LRRC7: variants seen among roughly 807,000 people sequenced by gnomAD.
The protein encoded by LRRC7 is leucine rich repeat containing 7.
LRRC7 carries 23 observed loss-of-function variants against 175.7 expected under a neutral mutation model. The ratio of observed to expected loss-of-function variants is 0.13; its 90% CI spans 0.09 to 0.19. LRRC7 has a LOEUF of 0.19. Among genes scored for constraint, LRRC7 ranks in the 10% least tolerant of loss-of-function variants. The pLI is 1.00. For missense variants in LRRC7, 1,354 were observed against 1,904.7 expected (o/e 0.71, Z 5.38); for synonymous variants, 685 against 680.9 (o/e 1.01, Z -0.09).
At chr1:69,602,198 C>A (rs1292467171) in intron 1 of LRRC7, among the ~76,000 whole-genome samples, 2 of 152,156 alleles carry the variant, frequency 1.3e-5, no homozygotes, top group African/African-American at 4.8e-5. Flanking sequence ...TATACATTTT[C>A]CAGAATCTTT....
intron 4 of LRRC7, among the ~76,000 whole-genome samples, chr1:69,797,254 G>A (rs1675900283): frequency 6.6e-6 from 1 of 152,252 alleles, no homozygotes; most frequent in East Asian, 1.9e-4. Flanking sequence ...ACTAAAGTCA[G>A]CTCTAAAGTG....
chr1:69,605,448 A>G (rs1490800144), intron 1 of LRRC7, among the ~76,000 whole-genome samples: 2 of 152,206 alleles, frequency 1.3e-5, no homozygotes, highest in South Asian at 2.1e-4. Context: ...TATTAAATAC[A>G]TAAAATGCAT....
chr1:69,908,958 A>G (rs1195733921), intron 7 of LRRC7, among the ~76,000 whole-genome samples: 2 of 151,962 alleles, frequency 1.3e-5, no homozygotes, highest in Non-Finnish European at 2.9e-5. Context: ...GTGCTCCTGT[A>G]TCGGGTGCAT....
chr1:69,951,095 CAA>C (rs111949472), intron 8 of LRRC7, among the ~76,000 whole-genome samples: 2 of 128,894 alleles, frequency 1.6e-5, no homozygotes, highest in African/African-American at 5.6e-5. Context: ...AACAAATTTA[CAA>C]AAAAAAAAAC....
chr1:70,104,090 C>T (rs1392961332), intron 25 of LRRC7, among the ~76,000 whole-genome samples: 10 of 152,148 alleles, frequency 6.6e-5, no homozygotes, highest in Admixed American at 6.5e-4. Context: ...ATTTGATACA[C>T]ACAAGTTGGC....
At chr1:70,079,069 T>C (rs1257409550) in intron 24 of LRRC7, among the ~76,000 whole-genome samples, 1 of 152,230 alleles carries the variant, frequency 6.6e-6, no homozygotes, top group Non-Finnish European at 1.5e-5. Flanking sequence ...CTTTCCTAAG[T>C]TATATTTCTT....
intron 18 of LRRC7, among the ~76,000 whole-genome samples, chr1:70,035,028 T>C (rs955181651): frequency 4.6e-5 from 7 of 152,200 alleles, no homozygotes; most frequent in African/African-American, 1.7e-4. Context: ...AAGACAGGAC[T>C]TTTTAAATTT....
intron 4 of LRRC7, among the ~76,000 whole-genome samples, chr1:69,819,802 C>A (rs1000524814): frequency 6.6e-6 from 1 of 152,058 alleles, no homozygotes; most frequent in Non-Finnish European, 1.5e-5. Flanking sequence ...TATAATTACC[C>A]TCTTTGTCAC....
intron 26 of LRRC7, among the ~76,000 whole-genome samples, chr1:70,115,643 A>G (rs1297769464): frequency 1.3e-5 from 2 of 152,224 alleles, no homozygotes; most frequent in Non-Finnish European, 2.9e-5. Flanking sequence ...AATGTAAACA[A>G]TGTTATATGA....
At chr1:69,671,064 T>C (rs1322498111) in intron 1 of LRRC7, among the ~76,000 whole-genome samples, 1 of 152,124 alleles carries the variant, frequency 6.6e-6, no homozygotes, top group Non-Finnish European at 1.5e-5. Context: ...TTCCCTTCAC[T>C]TTTCTCAAGC....
rs57854067 is a variant in LRRC7 at position 69,767,992 on chromosome 1, C to T, written c.303+7599C>T. Among the ~76,000 whole-genome samples, 665 of 152,170 alleles carry T rather than the reference C, an allele frequency of 4.4e-3. 3 individuals carry two copies. Among genetic ancestry groups the T allele is most frequent in the African/African-American group, 0.014 (577 of 41,522 alleles). On this transcript the variant is annotated intron_variant, in intron 3 of 26. Coordinates refer to ENST00000651989, the MANE Select transcript of LRRC7 (RefSeq NM_001370785.2). ...CATCCAGGTGAGGGCTGCAGGAAGA[C>T]AGCTGTATGGTGCTCACTACTCCAC... is the stretch of plus-strand genomic sequence containing the variant.
At chr1:69,640,270 A>G (rs1654003037) in intron 1 of LRRC7, among the ~76,000 whole-genome samples, 1 of 151,808 alleles carries the variant, frequency 6.6e-6, no homozygotes, top group Non-Finnish European at 1.5e-5. Context: ...TTATAATGGT[A>G]GAAATTGAAA....
At chr1:70,078,204 C>T (rs1278312804) in intron 24 of LRRC7, among the ~76,000 whole-genome samples, 1 of 152,134 alleles carries the variant, frequency 6.6e-6, no homozygotes, top group African/African-American at 2.4e-5. Flanking sequence ...ATACAAATAT[C>T]ATTATGTATC....
intron 4 of LRRC7, among the ~76,000 whole-genome samples, chr1:69,811,086 A>T (rs980182318): frequency 6.6e-6 from 1 of 152,216 alleles, no homozygotes; most frequent in African/African-American, 2.4e-5. Context: ...AGAAAAAAAC[A>T]ACCCCATCAA....
intron 2 of LRRC7, among the ~76,000 whole-genome samples, chr1:69,743,761 A>T (rs1393761866): frequency 5.9e-5 from 9 of 151,954 alleles, no homozygotes; most frequent in African/African-American, 2.2e-4. Flanking sequence ...AAACATTGTT[A>T]CAAGTTTAAA....
At chr1:69,737,256 T>C (rs902499949) in intron 2 of LRRC7, among the ~76,000 whole-genome samples, 3 of 152,052 alleles carry the variant, frequency 2.0e-5, no homozygotes, top group Non-Finnish European at 4.4e-5. Flanking sequence ...AATTGAATCA[T>C]GCCAATGGGT....
At chr1:69,764,022 G>C (rs1427383662) in intron 3 of LRRC7, among the ~76,000 whole-genome samples, 1 of 151,856 alleles carries the variant, frequency 6.6e-6, no homozygotes, top group Non-Finnish European at 1.5e-5. Context: ...AAGGTAAAAG[G>C]CATTAGGGAA....
At chr1:69,768,127 T>C (rs72941456) in intron 3 of LRRC7, among the ~76,000 whole-genome samples, 3,676 of 152,252 alleles carry the variant, frequency 0.024, 153 homozygotes, top group African/African-American at 0.085. Context: ...TGTCATGGGC[T>C]GGCTTCAGTC....
chr1:70,099,414 G>C (rs547342556), intron 25 of LRRC7, among the ~76,000 whole-genome samples: 205 of 142,124 alleles, frequency 1.4e-3, no homozygotes, highest in Non-Finnish European at 2.1e-3. Context: ...ACTGGCACAA[G>C]ACAGGGATGC....
Sources: allele counts gnomAD v4.1 joint callset (sites outside exome capture counted in the v4.1 genomes callset), GRCh38; gene constraint gnomAD v4.1.1; transcripts MANE v1.5; gene names NCBI Gene and HGNC (gene_info 2026-07-23, HGNC 2026-07-21).